Variants in KIAA1586 observed in about 807,000 individuals in gnomAD.
KIAA1586 encodes the protein KIAA1586.
KIAA1586 carries 5 observed loss-of-function variants against 6.1 expected under a neutral mutation model. That is an observed-to-expected ratio of 0.82 (90% CI 0.43 to 1.73). The LOEUF (loss-of-function observed/expected upper bound fraction) is 1.73. Among genes scored for constraint, KIAA1586 ranks in the 40% most tolerant of loss-of-function variants. The pLI is 0.02. For missense variants in KIAA1586, 899 were observed against 878.2 expected, an observed-to-expected ratio of 1.02 and a Z score of -0.30; for synonymous variants, 280 against 301.7, an observed-to-expected ratio of 0.93 and a Z score of 0.75.
At chr6:57,063,267 A>G in the KIAA1586 span, among the ~76,000 whole-genome samples, 1 of 152,062 alleles carries the variant, frequency 6.6e-6, no homozygotes, top group African/African-American at 2.4e-5. Context: ...TACCAGAAAA[A>G]TGATAGAATC....
chr6:57,057,849 G>T (rs576515569), downstream of KIAA1586, among the ~76,000 whole-genome samples: 4 of 152,106 alleles, frequency 2.6e-5, no homozygotes, highest in South Asian at 8.3e-4. Flanking sequence ...TGTCGCCCAG[G>T]CAGTGGCATG....
At chr6:57,046,990 G>C in intron 1 of KIAA1586, 3 of 633,838 alleles carry the variant, frequency 4.7e-6, no homozygotes, top group Non-Finnish European at 7.5e-6. Context: ...CCTGGCGTTC[G>C]TTGTGGCCGC....
chr6:57,060,806 T>G, the KIAA1586 span, among the ~76,000 whole-genome samples: 5 of 151,996 alleles, frequency 3.3e-5, no homozygotes, highest in Non-Finnish European at 7.4e-5. Context: ...AAATGTGATT[T>G]ATTTATTTAT....
At chr6:57,063,813 A>G in the KIAA1586 span, among the ~76,000 whole-genome samples, 1 of 152,184 alleles carries the variant, frequency 6.6e-6, no homozygotes, top group East Asian at 1.9e-4. Flanking sequence ...TTAAGCGAAA[A>G]CACCTAGTAG....
chr6:57,048,955 C>T (rs1274108856), intron 2 of KIAA1586, among the ~76,000 whole-genome samples: 1 of 152,074 alleles, frequency 6.6e-6, no homozygotes, highest in Non-Finnish European at 1.5e-5. Context: ...AATATATAGG[C>T]TGTGTTTAGC....
chr6:57,048,723 T>C (rs780508091), intron 2 of KIAA1586, among the ~76,000 whole-genome samples: 6 of 152,214 alleles, frequency 3.9e-5, no homozygotes, highest in Non-Finnish European at 5.9e-5. Flanking sequence ...ACAGATGATC[T>C]TGATGAGTTT....
rs749082085 is a variant in KIAA1586, at chr6:57,054,762, T to C, written c.2263T>C (p.Trp755Arg). The C allele has an allele frequency of 1.3e-6, 2 of 1,551,364 alleles. 1 individual carries two copies. Among genetic ancestry groups the C allele is most frequent in the South Asian group, 2.4e-5 (2 of 84,048 alleles). Residue 755 changes from tryptophan (W) to arginine (R), a missense_variant, in exon 4 of 4, where the codon TGG (tryptophan) becomes CGG (arginine). Physicochemically the swap from Trp to Arg is moderately radical, Grantham distance 101 (BLOSUM62 -3). Coordinates refer to ENST00000370733, the MANE Select transcript of KIAA1586 (RefSeq NM_020931.4). The stretch of plus-strand genomic sequence containing the variant: ...GGATGCAACACCGTTTGTAAAATCT[T>C]GGTCAAATTGCAACCACAGGTTGGC... ...DWDATPFVKSWSNCNHRLATD... is the reference protein window; with the variant it reads ...DWDATPFVKSRSNCNHRLATD...
At chr6:57,055,649 ATACT>A (rs1828487401), downstream of KIAA1586, among the ~76,000 whole-genome samples, 1 of 152,228 alleles carries the variant, frequency 6.6e-6, no homozygotes, top group African/African-American at 2.4e-5. Flanking sequence ...GGTAATTGAA[ATACT>A]TATTTTAATC....
the KIAA1586 span, among the ~76,000 whole-genome samples, chr6:57,061,936 C>CA: frequency 4.4e-5 from 6 of 136,642 alleles, no homozygotes; most frequent in Non-Finnish European, 8.0e-5. Context: ...CCTAGGTTTT[C>CA]TTTTTTTTTT....
At chr6:57,065,920 C>CT in the KIAA1586 span, among the ~76,000 whole-genome samples, 2 of 152,066 alleles carry the variant, frequency 1.3e-5, no homozygotes, top group Non-Finnish European at 1.5e-5. Context: ...ATGCATATTT[C>CT]TTTTTTCAGT....
the KIAA1586 span, among the ~76,000 whole-genome samples, chr6:57,065,543 G>C: frequency 2.0e-5 from 3 of 150,150 alleles, no homozygotes; most frequent in Non-Finnish European, 4.4e-5. Flanking sequence ...CTGGAGTGCA[G>C]TGGTGTGATC....
the KIAA1586 span, among the ~76,000 whole-genome samples, chr6:57,063,450 CT>C: frequency 1.1e-3 from 114 of 102,564 alleles, no homozygotes; most frequent in African/African-American, 3.9e-3. Context: ...TATGTTATTT[CT>C]TTTTTTTTTT....
Position 57,054,894 on chromosome 6 carries a change from AT to A in KIAA1586, c.*33del. On this transcript the variant is annotated 3_prime_UTR_variant, in exon 4 of 4. Coordinates refer to ENST00000370733, the MANE Select transcript of KIAA1586 (RefSeq NM_020931.4). The stretch of plus-strand genomic sequence containing the variant: ...TGTATACGTTTTTTGTCATCTGTAA[AT>A]TATGTACTACACATCCTTTATATAC... 1 of 1,509,576 alleles carries A rather than the reference AT, an allele frequency of 6.6e-7. No homozygotes were observed. Among genetic ancestry groups the A allele is most frequent in the Non-Finnish European group, 8.9e-7 (1 of 1,125,936 alleles). 93.5% of individuals were successfully genotyped at this position (1,509,576 alleles called of 1,614,324 possible). A position where few individuals can be genotyped will look rare whatever the true frequency, so the allele number is the denominator to read the frequency against.
At chr6:57,061,634 C>G in the KIAA1586 span, among the ~76,000 whole-genome samples, 1 of 152,098 alleles carries the variant, frequency 6.6e-6, no homozygotes. Context: ...AAGTGCTCAT[C>G]CTGCCTCAGC....
Position 57,050,636 on chromosome 6 carries a change from A to G in KIAA1586, c.106-138A>G, listed in dbSNP as rs1053478081. ...CAGCCCCTTTGCCCGTTTTGTTTCT[A>G]ATTATTCTGTGCCACTTGCAAGATT... On this transcript the variant is annotated intron_variant, in intron 2 of 3. Transcript: ENST00000370733. 1.6e-5 allele frequency: 10 copies of G among 626,682 alleles called. No homozygotes were observed. The African/African-American group carries it at 1.7e-4, about 11-fold the overall frequency. 38.8% of individuals were successfully genotyped at this position (626,682 alleles called of 1,614,324 possible).
chr6:57,053,204 G>A lies in KIAA1586; in HGVS notation c.705G>A (p.Val235=), dbSNP rs745454364. 2 of 1,600,480 alleles carry A rather than the reference G, an allele frequency of 1.2e-6. No individual in the cohort carries two copies. Among genetic ancestry groups the A allele is most frequent in the Admixed American group, 1.8e-5 (1 of 56,588 alleles). ...CTAATGATTCAATTTGTAATTTAGT[G>A]CATAAACAAAATAATAAAAATATTG... ...ESTNDSICNL[V]HKQNNKNIDA... Residue 235 remains valine, a synonymous_variant, in exon 4 of 4, where the codon GTG becomes GTA. Coordinates refer to ENST00000370733, the MANE Select transcript of KIAA1586 (RefSeq NM_020931.4).
rs1398603146 is a variant in KIAA1586 at position 57,054,924 on chromosome 6, A to C, written c.*61A>C. ...GTACTACACATCCTTTATATACATAAAGGTCTTTTTTTTTTTTGGAAAGCC... is the reference window on the plus strand; with the variant it reads ...GTACTACACATCCTTTATATACATACAGGTCTTTTTTTTTTTTGGAAAGCC... On this transcript the variant is annotated 3_prime_UTR_variant, in exon 4 of 4. Transcript: ENST00000370733. 9 of 1,408,158 alleles carry C rather than the reference A, an allele frequency of 6.4e-6. No individual in the cohort carries two copies. The East Asian group carries it at 2.0e-4, about 32-fold the overall frequency. The allele number at this position is 1,408,158 out of a possible 1,614,324, so 87.2% of individuals were successfully genotyped here.
chr6:57,058,795 A>C (rs1328894038), downstream of KIAA1586, among the ~76,000 whole-genome samples: 1 of 152,188 alleles, frequency 6.6e-6, no homozygotes, highest in Non-Finnish European at 1.5e-5. Context: ...GTAAAAAATA[A>C]GAAAAAATTT....
At chr6:57,058,736 G>T (rs1025537156), downstream of KIAA1586, among the ~76,000 whole-genome samples, 7 of 152,062 alleles carry the variant, frequency 4.6e-5, no homozygotes, top group African/African-American at 1.7e-4. Flanking sequence ...TCTAACACGA[G>T]TCAGTATGCT....
Sources: gnomAD v4.1 joint callset for allele counts (sites outside exome capture counted in the v4.1 genomes callset) on GRCh38, gnomAD v4.1.1 for gene constraint, MANE v1.5 for transcripts, NCBI Gene and HGNC (gene_info 2026-07-23, HGNC 2026-07-21) for gene names.